AUTS2: variants seen among roughly 807,000 people sequenced by gnomAD.
AUTS2 encodes autism susceptibility gene 2 protein.
AUTS2 carries 17 observed loss-of-function variants against 112.4 expected under a neutral mutation model. That is an observed-to-expected ratio of 0.15 (90% confidence interval 0.10 to 0.23). The LOEUF is 0.23. Ranked by LOEUF, AUTS2 falls within the 10% of genes least tolerant of loss-of-function variation. The pLI, the probability that AUTS2 is intolerant of heterozygous loss-of-function variation, is 1.00. For missense variants in AUTS2, 1,510 were observed against 1,701.6 expected (o/e 0.89, Z 1.98); for synonymous variants, 751 against 702.7 (o/e 1.07, Z -1.09).
chr7:70,351,052 CTTTTTTT>C (rs34943340), intron 4 of AUTS2, among the ~76,000 whole-genome samples: 4 of 134,960 alleles, frequency 3.0e-5, no homozygotes, highest in African/African-American at 8.2e-5. Context: ...TTGTCTTCTT[CTTTTTTT>C]TTTTTTTTTT....
chr7:70,213,000 A>G (rs1810985448), intron 4 of AUTS2, among the ~76,000 whole-genome samples: 1 of 152,178 alleles, frequency 6.6e-6, no homozygotes, highest in Non-Finnish European at 1.5e-5. Context: ...AGTATGTTGT[A>G]CATTTCACAG....
chr7:70,222,486 ATAT>A (rs1238445605), intron 4 of AUTS2, among the ~76,000 whole-genome samples: 1 of 152,230 alleles, frequency 6.6e-6, no homozygotes, highest in Non-Finnish European at 1.5e-5. Context: ...TATGATTAAA[ATAT>A]TATGAAACAA....
At chr7:70,284,998 G>A (rs145994834) in intron 4 of AUTS2, among the ~76,000 whole-genome samples, 220 of 152,210 alleles carry the variant, frequency 1.4e-3, no homozygotes, top group African/African-American at 5.2e-3. Context: ...TTTCCTTTTT[G>A]TTGTATTGAA....
At chr7:69,681,354 C>A (rs1021663326) in intron 1 of AUTS2, among the ~76,000 whole-genome samples, 1 of 152,132 alleles carries the variant, frequency 6.6e-6, no homozygotes, top group Non-Finnish European at 1.5e-5. Context: ...AGGAGTCATA[C>A]CATTTTGCAG....
chr7:70,573,324 A>C (rs1477742194), intron 5 of AUTS2, among the ~76,000 whole-genome samples: 1 of 152,194 alleles, frequency 6.6e-6, no homozygotes, highest in Admixed American at 6.5e-5. Flanking sequence ...GTTTACCTCG[A>C]CCTGTCTTTC....
intron 4 of AUTS2, among the ~76,000 whole-genome samples, chr7:70,425,547 G>A (rs1795397545): frequency 6.6e-6 from 1 of 152,192 alleles, no homozygotes; most frequent in African/African-American, 2.4e-5. Flanking sequence ...ATGAGTGGAA[G>A]GAGGGAGGGA....
chr7:69,794,627 A>T (rs10230356), intron 1 of AUTS2, among the ~76,000 whole-genome samples: 15,782 of 151,950 alleles, frequency 0.1, 1,327 homozygotes, highest in African/African-American at 0.23. Context: ...ATTAGGCACT[A>T]TTCATTTGTC....
Position 69,663,389 on chromosome 7 carries a change from C to T in AUTS2, c.309+63427C>T, listed in dbSNP as rs556545005. ...ATACCTTTTATGGGTTTATATGCTT[C>T]ATATGTGATGTGCCCAACCAGAAAT... is the stretch of plus-strand genomic sequence containing the variant. On this transcript the variant is annotated intron_variant, in intron 1 of 18. Transcript: ENST00000342771. 5 of 152,026 alleles carry T rather than the reference C, an allele frequency of 3.3e-5. No homozygotes were observed. In the South Asian group the frequency reaches 1.0e-3, roughly 32 times the overall value. The allele number at this position is 152,026 out of a possible 1,614,324, so 9.4% of individuals were successfully genotyped here. A position where few individuals can be genotyped will look rare whatever the true frequency, so the allele number is the denominator to read the frequency against.
intron 4 of AUTS2, among the ~76,000 whole-genome samples, chr7:70,147,583 G>A (rs1157733896): frequency 6.6e-6 from 1 of 152,094 alleles, no homozygotes; most frequent in African/African-American, 2.4e-5. Flanking sequence ...TTTCCTTGAA[G>A]CACATGTTTT....
At chr7:69,603,693 G>T (rs535432553) in intron 1 of AUTS2, among the ~76,000 whole-genome samples, 77 of 152,308 alleles carry the variant, frequency 5.1e-4, no homozygotes, top group African/African-American at 1.7e-3. Flanking sequence ...TTATGCAGTT[G>T]AGAAGCAGAA....
At chr7:69,893,953 G>A (rs111551307) in intron 1 of AUTS2, among the ~76,000 whole-genome samples, 53 of 152,226 alleles carry the variant, frequency 3.5e-4, no homozygotes, top group African/African-American at 1.2e-3. Flanking sequence ...GAGCAAGATC[G>A]CCTATTTTGA....
chr7:70,450,561 G>A (rs146891834), intron 5 of AUTS2, among the ~76,000 whole-genome samples: 1 of 152,212 alleles, frequency 6.6e-6, no homozygotes, highest in Non-Finnish European at 1.5e-5. Flanking sequence ...AGATGAGACT[G>A]TAAACATATG....
intron 1 of AUTS2, among the ~76,000 whole-genome samples, chr7:69,717,607 G>C (rs527460768): frequency 6.6e-6 from 1 of 152,122 alleles, no homozygotes; most frequent in African/African-American, 2.4e-5. Context: ...AATTTTTTTT[G>C]AAGTATCCTG....
intron 5 of AUTS2, among the ~76,000 whole-genome samples, chr7:70,515,750 T>C (rs1430362483): frequency 6.6e-6 from 1 of 152,118 alleles, no homozygotes; most frequent in African/African-American, 2.4e-5. Context: ...TTTTAAATCA[T>C]GCACAGTATA....
rs184186572 is a variant in AUTS2, at chr7:70,781,896, G to A, written c.2146+140G>A. On this transcript the variant is annotated intron_variant, in intron 15 of 18. Coordinates refer to ENST00000342771, the MANE Select transcript of AUTS2 (RefSeq NM_015570.4). Reference sequence around the variant, plus strand: ...TAATGCCAGCTTGCAAGGCAACATCGCAGCACATCCAGGGAGTTGGGAATC... The same window carrying A: ...TAATGCCAGCTTGCAAGGCAACATCACAGCACATCCAGGGAGTTGGGAATC... 54 of 1,068,702 alleles carry A rather than the reference G, an allele frequency of 5.1e-5. No individual in the cohort carries two copies. In the African/African-American group the frequency reaches 6.9e-4, roughly 14 times the overall value. 66.2% of individuals were successfully genotyped at this position (1,068,702 alleles called of 1,614,324 possible). A position where few individuals can be genotyped will look rare whatever the true frequency, so the allele number is the denominator to read the frequency against.
intron 1 of AUTS2, among the ~76,000 whole-genome samples, chr7:69,603,497 T>A (rs1003431411): frequency 2.6e-5 from 4 of 152,226 alleles, no homozygotes; most frequent in Non-Finnish European, 5.9e-5. Context: ...ATGAAAGCTT[T>A]AGGGGTAGTT....
chr7:69,957,193 AAG>A (rs1797249611), intron 2 of AUTS2, among the ~76,000 whole-genome samples: 1 of 151,842 alleles, frequency 6.6e-6, no homozygotes, highest in Non-Finnish European at 1.5e-5. Context: ...AGTGATTTTT[AAG>A]AGTTTCATCA....
At chr7:69,979,648 C>G (rs1446269061) in intron 2 of AUTS2, among the ~76,000 whole-genome samples, 2 of 152,156 alleles carry the variant, frequency 1.3e-5, no homozygotes, top group Non-Finnish European at 2.9e-5. Context: ...AGGAAGACTA[C>G]AGGCAGCAAT....
At chr7:70,578,535 T>C (rs1231035489) in intron 5 of AUTS2, among the ~76,000 whole-genome samples, 1 of 152,256 alleles carries the variant, frequency 6.6e-6, no homozygotes, top group African/African-American at 2.4e-5. Flanking sequence ...TAATTATTTT[T>C]CTTCCAACTA....
Sources: allele counts gnomAD v4.1 joint callset (sites outside exome capture counted in the v4.1 genomes callset), GRCh38; gene constraint gnomAD v4.1.1; transcripts MANE v1.5; gene names NCBI Gene and HGNC (gene_info 2026-07-23, HGNC 2026-07-21).